Variants in DPP3 observed in about 807,000 individuals in gnomAD.
The protein encoded by DPP3 is DPP III.
In DPP3, 64 loss-of-function variants were observed where a neutral mutation model predicts 89.8. That is an observed-to-expected ratio of 0.71 (90% CI 0.58 to 0.88). The LOEUF is 0.88. DPP3 is among the 40% of genes least tolerant of loss of function. DPP3 has a pLI of 0.00. For missense variants in DPP3, 835 were observed against 972.5 expected, an observed-to-expected ratio of 0.86 and a Z score of 1.88; for synonymous variants, 377 against 404.3, an observed-to-expected ratio of 0.93 and a Z score of 0.81.
chr11:66,489,943 A>G (rs910551461), intron 6 of DPP3, among the ~76,000 whole-genome samples: 6 of 152,202 alleles, frequency 3.9e-5, no homozygotes, highest in Non-Finnish European at 8.8e-5. Context: ...GCCTAAGCAC[A>G]TGGTGTCCCT....
At position 66,492,520 on chromosome 11, in the gene DPP3, G is replaced by A. The variant is rs570028213; in HGVS notation, c.989-196G>A. Reference sequence around the variant, plus strand: ...CGGCCCAGGGGCCTGAGGGAGAGACGGGTTTGTGCAGCTGCATCTTTCCTG... The same window carrying A: ...CGGCCCAGGGGCCTGAGGGAGAGACAGGTTTGTGCAGCTGCATCTTTCCTG... On this transcript the variant is annotated intron_variant, in intron 9 of 17. Coordinates refer to ENST00000531863, the MANE Select transcript of DPP3 (RefSeq NM_130443.4). 1.3e-4 allele frequency: 76 copies of A among 578,352 alleles called. No individual in the cohort carries two copies. In the African/African-American group the frequency reaches 1.3e-3, roughly 10 times the overall value. 35.8% of individuals were successfully genotyped at this position (578,352 alleles called of 1,614,324 possible). A position where few individuals can be genotyped will look rare whatever the true frequency, so the allele number is the denominator to read the frequency against.
In DPP3 at chr11:66,485,233, G is replaced by T; in HGVS notation, c.331G>T (p.Asp111Tyr). The change falls in exon 3 of 18, where the codon GAC (aspartate) becomes TAC (tyrosine). Residue 111 changes from aspartate (D) to tyrosine (Y), a missense_variant. Asp to Tyr is a radical substitution (Grantham distance 160). Transcript: ENST00000531863. ...CATGGGCAACTACAAGTCCTTTGGT[G>T]ACACCAAGTTTGTTCCCAACTTGCC... ...SNMGNYKSFG[D>Y]TKFVPNLPKE... The T allele has an allele frequency of 1.2e-6, 2 of 1,614,016 alleles. No homozygotes were observed. Among genetic ancestry groups the T allele is most frequent in the Non-Finnish European group, 1.7e-6 (2 of 1,179,998 alleles).
intron 11 of DPP3, 79 bp from the exon 12 acceptor site, chr11:66,493,462 G>A: frequency 1.4e-6 from 2 of 1,462,604 alleles, no homozygotes; most frequent in Non-Finnish European, 1.9e-6. Flanking sequence ...TGGGTCCATG[G>A]CCCAGGGGAG....
chr11:66,495,590 A>C, intron 14 of DPP3, 40 bp from the exon 15 acceptor site: 1 of 1,613,910 alleles, frequency 6.2e-7, no homozygotes, highest in Non-Finnish European at 8.5e-7. Flanking sequence ...GGGACAGGGC[A>C]GCCTCTGACC....
At chr11:66,507,141 C>T (rs1855821637) in intron 17 of DPP3, among the ~76,000 whole-genome samples, 1 of 152,096 alleles carries the variant, frequency 6.6e-6, no homozygotes. Context: ...GTGATCACAG[C>T]TCACTGGGGA....
intron 15 of DPP3, among the ~76,000 whole-genome samples, chr11:66,496,793 G>A (rs79706865): frequency 0.02 from 3,021 of 152,254 alleles, 89 homozygotes; most frequent in African/African-American, 0.069. Context: ...CCAGAAATGT[G>A]GGTCTGAGTC....
At chr11:66,492,203 G>T (rs1422750265) in intron 9 of DPP3, among the ~76,000 whole-genome samples, 2 of 152,196 alleles carry the variant, frequency 1.3e-5, no homozygotes, top group East Asian at 3.9e-4. Flanking sequence ...GCTGCACTCA[G>T]TGGCTGGAAG....
intron 3 of DPP3, among the ~76,000 whole-genome samples, chr11:66,485,846 A>G (rs933698724): frequency 6.6e-6 from 1 of 152,202 alleles, no homozygotes; most frequent in African/African-American, 2.4e-5. Flanking sequence ...CCTGGACTCA[A>G]GTGATCCTCC....
intron 17 of DPP3, among the ~76,000 whole-genome samples, chr11:66,505,021 A>G (rs903628293): frequency 4.6e-5 from 7 of 152,200 alleles, no homozygotes; most frequent in African/African-American, 1.7e-4. Flanking sequence ...GAAGATTTGA[A>G]GAAGACCACC....
intron 15 of DPP3, among the ~76,000 whole-genome samples, chr11:66,496,771 G>A (rs1453717222): frequency 3.3e-5 from 5 of 152,120 alleles, no homozygotes; most frequent in Non-Finnish European, 4.4e-5. Flanking sequence ...GCGATGTGAC[G>A]TCATTCAGGG....
chr11:66,491,034 G>A (rs1224092585), intron 6 of DPP3, among the ~76,000 whole-genome samples: 1 of 152,142 alleles, frequency 6.6e-6, no homozygotes, highest in East Asian at 1.9e-4. Flanking sequence ...CTCCCAAAGT[G>A]CTGGGATTAC....
At chr11:66,504,031 G>A (rs1265383946) in intron 16 of DPP3, among the ~76,000 whole-genome samples, 2 of 152,238 alleles carry the variant, frequency 1.3e-5, no homozygotes, top group Non-Finnish European at 2.9e-5. Flanking sequence ...CTTATTTGTA[G>A]GAGAGGAATG....
At position 66,493,635 on chromosome 11, in the gene DPP3, T is replaced by A. The variant is rs1337153770; in HGVS notation, c.1389+2T>A. On this transcript the variant is annotated splice_donor_variant, in intron 12 of 17. Transcript: ENST00000531863. LOFTEE classifies it high-confidence loss of function. ...GGCAGTGGCAAGCTCTTCGTACAGG[T>A]GAGAAGGCAGTGGCCAGCCCTGGCA... 6.2e-7 allele frequency: 1 copy of A among 1,608,952 alleles called. No homozygotes were observed. Among genetic ancestry groups the A allele is most frequent in the Non-Finnish European group, 8.5e-7 (1 of 1,178,340 alleles).
At chr11:66,480,692 G>T in intron 1 of DPP3, 1 of 444,786 alleles carries the variant, frequency 2.2e-6, no homozygotes. Context: ...GGCCGGGGCA[G>T]GGCGAGGAGG....
chr11:66,483,779 T>A (rs915810982), intron 2 of DPP3, among the ~76,000 whole-genome samples: 27 of 152,186 alleles, frequency 1.8e-4, no homozygotes, highest in Non-Finnish European at 2.9e-4. Context: ...TACAAGAATA[T>A]GGCCTGTTTT....
At position 66,492,707 on chromosome 11, in the gene DPP3, C is replaced by T; in HGVS notation, c.989-9C>T. ...CCTGCCAAGCCACAACCCCCTCCCTCCTCTGCAGGTTTCGTAGCTGTGGTG... is the reference window on the plus strand; with the variant it reads ...CCTGCCAAGCCACAACCCCCTCCCTTCTCTGCAGGTTTCGTAGCTGTGGTG... On this transcript the variant is annotated splice_polypyrimidine_tract_variant and intron_variant, in intron 9 of 17. Transcript: ENST00000531863. The T allele has an allele frequency of 1.3e-6, 2 of 1,570,172 alleles. No homozygotes were observed. Among genetic ancestry groups the T allele is most frequent in the Non-Finnish European group, 1.7e-6 (2 of 1,159,608 alleles).
chr11:66,503,158 G>A (rs536789593), intron 16 of DPP3, among the ~76,000 whole-genome samples: 1 of 151,070 alleles, frequency 6.6e-6, no homozygotes, highest in Admixed American at 6.6e-5. Flanking sequence ...GTAGAGACAG[G>A]GTTTCACCAT....
intron 5 of DPP3, among the ~76,000 whole-genome samples, chr11:66,487,605 G>A (rs1855267004): frequency 1.3e-5 from 2 of 152,192 alleles, no homozygotes; most frequent in South Asian, 4.1e-4. Context: ...CACCAGCCAT[G>A]TGATCAGTTT....
chr11:66,504,016 G>A (rs1251816778), intron 16 of DPP3, among the ~76,000 whole-genome samples: 1 of 152,218 alleles, frequency 6.6e-6, no homozygotes, highest in African/African-American at 2.4e-5. Context: ...CCTTGTTGAA[G>A]ATACCTTATT....
Sources: gnomAD v4.1 joint callset for allele counts (sites outside exome capture counted in the v4.1 genomes callset) on GRCh38, gnomAD v4.1.1 for gene constraint, MANE v1.5 for transcripts, NCBI Gene and HGNC (gene_info 2026-07-23, HGNC 2026-07-21) for gene names.